The following RNF213 variants were observed in gnomAD, a reference collection of about 807,000 sequenced individuals.
RNF213 encodes E3 ubiquitin-protein ligase RNF213.
In RNF213, 341 loss-of-function variants were observed where a neutral mutation model predicts 514.4. The ratio of observed to expected loss-of-function variants is 0.66; its 90% confidence interval spans 0.61 to 0.73. The LOEUF is 0.73. Among genes scored for constraint, RNF213 ranks in the 30% least tolerant of loss-of-function variants. The probability of loss-of-function intolerance (pLI) is 0.00; values close to 1 mark genes in which losing one functional copy is unlikely to be tolerated. For missense variants in RNF213, 5,767 were observed against 6,615.6 expected, an observed-to-expected ratio of 0.87 and a Z score of 4.45; for synonymous variants, 2,655 against 2,658.2, an observed-to-expected ratio of 1.00 and a Z score of 0.04.
intron 3 of RNF213, among the ~76,000 whole-genome samples, chr17:80,277,745 TATTGA>T (rs2044121372): frequency 6.6e-6 from 1 of 152,164 alleles, no homozygotes; most frequent in African/African-American, 2.4e-5. Context: ...ACAGGGAGCC[TATTGA>T]ATTCTGAAGC....
intron 10 of RNF213, 152 bp from the exon 11 acceptor site, chr17:80,298,169 T>C (rs550928170): frequency 6.0e-5 from 46 of 763,448 alleles, no homozygotes; most frequent in Non-Finnish European, 9.7e-5. Flanking sequence ...AGGGAAGCCC[T>C]GTCTCCTGCG....
intron 15 of RNF213, among the ~76,000 whole-genome samples, chr17:80,313,773 GAGGTGATGGTGGTGGTGA>G (rs1452682054): frequency 1.4e-5 from 2 of 147,560 alleles, no homozygotes; most frequent in Admixed American, 6.7e-5. Flanking sequence ...GGAGGTACTG[GAGGTGATGGTGGTGGTGA>G]AGGTGATGGT....
rs781548360 is a variant in RNF213 at position 80,393,516 on chromosome 17, T to C, written c.*18T>C. On this transcript the variant is annotated 3_prime_UTR_variant, in exon 68 of 68. Transcript: ENST00000582970. ...TGAGATAGAATTATTTCCTCAGCTATCTTTGGATGACTTTGGAGAGAAGAC... is the reference window on the plus strand; with the variant it reads ...TGAGATAGAATTATTTCCTCAGCTACCTTTGGATGACTTTGGAGAGAAGAC... 1.9e-5 allele frequency: 31 copies of C among 1,613,456 alleles called. No individual in the cohort carries two copies. The highest frequency in any genetic ancestry group is 2.5e-5 in the Non-Finnish European group (29 of 1,179,704).
At chr17:80,352,480 G>T in intron 32 of RNF213, 1 of 493,398 alleles carries the variant, frequency 2.0e-6, no homozygotes, top group Non-Finnish European at 3.6e-6. Context: ...ACTATCTTCA[G>T]ATCTCTTTTT....
chr17:80,374,733 C>G, intron 50 of RNF213, 144 bp downstream of exon 50: 3 of 990,732 alleles, frequency 3.0e-6, no homozygotes, highest in Admixed American at 4.1e-5. Flanking sequence ...CACGTGCCCA[C>G]AGCCTCCAGG....
Position 80,313,082 on chromosome 17 carries a change from C to G in RNF213, c.2726C>G (p.Ala909Gly), listed in dbSNP as rs765708061. The G allele has an allele frequency of 2.0e-5, 33 of 1,614,010 alleles. No individual in the cohort carries two copies. The highest frequency in any genetic ancestry group is 2.7e-5 in the Non-Finnish European group (32 of 1,180,042). ...VQTVFQGTLA[A>G]TKRWLREVFT... ...ACAGTCTTCCAAGGGACCCTTGCTG[C>G]TACGAAAAGGTGGCTCCGAGAAGTT... The change falls in exon 15 of 68, where the codon GCT becomes GGT. Residue 909 changes from alanine to glycine, a missense_variant. By Grantham distance (60) the Ala-to-Gly change is moderately conservative. Around this residue, in one of 13 missense-constraint regions of RNF213, gnomAD observed 592 missense variants for 673.9 expected, o/e 0.88. Transcript: ENST00000582970.
chr17:80,319,535 C>CATGT, intron 17 of RNF213: 1 of 1,612,480 alleles, frequency 6.2e-7, no homozygotes, highest in Non-Finnish European at 8.5e-7. Context: ...CACCATCCTG[C>CATGT]ATGTGTTCCA....
Position 80,290,727 on chromosome 17 carries a change from A to C in RNF213, c.1270A>C (p.Arg424=), listed in dbSNP as rs543706430. ...CAATATCTGTGAGCTGCACTACACC[A>C]GGTGAGCGTGTCTGTAGGCTTGGGA... ...DSNICELHYT[R]DLGHDRVLVE... Residue 424 remains arginine (R), a splice_region_variant and synonymous_variant, in exon 7 of 68, where the codon AGA becomes CGA. Coordinates refer to ENST00000582970, the MANE Select transcript of RNF213 (RefSeq NM_001256071.3). The C allele has an allele frequency of 1.9e-6, 3 of 1,614,208 alleles. No homozygotes were observed. Among genetic ancestry groups the C allele is most frequent in the Non-Finnish European group, 1.7e-6 (2 of 1,180,028 alleles).
chr17:80,293,059 A>G (rs887518751), intron 8 of RNF213, among the ~76,000 whole-genome samples: 3 of 152,048 alleles, frequency 2.0e-5, no homozygotes, highest in East Asian at 1.9e-4. Context: ...GTAAACATAT[A>G]TATATATTTT....
intron 36 of RNF213, 25 bp downstream of exon 36, chr17:80,354,601 A>G: frequency 3.1e-6 from 5 of 1,613,848 alleles, no homozygotes; most frequent in Non-Finnish European, 4.2e-6. Flanking sequence ...GGAAGCAAGG[A>G]GTGGCTCCAA....
chr17:80,345,936 T>C lies in RNF213; in HGVS notation c.7601T>C (p.Met2534Thr), dbSNP rs2078295104. 1.9e-6 allele frequency: 3 copies of C among 1,614,116 alleles called. No individual in the cohort carries two copies. In the Admixed American group the frequency reaches 5.0e-5, roughly 27 times the overall value. ...CCATACCGGAAGCACTCTGAGGAGA[T>C]GATCTGCCGTTTGGAGTCAGCTGGT... ...CNPYRKHSEE[M>T]ICRLESAGLG... The change falls in exon 29 of 68, where the codon ATG becomes ACG. Residue 2534 changes from methionine to threonine, a missense_variant. By Grantham distance (81) the Met-to-Thr change is moderately conservative (BLOSUM62 -1). Around this residue, in one of 13 missense-constraint regions of RNF213, gnomAD observed 1,377 missense variants for 1,635.2 expected, o/e 0.84. Coordinates refer to ENST00000582970, the MANE Select transcript of RNF213 (RefSeq NM_001256071.3). The surrounding 1 kb of genome is among the most constrained non-coding windows in gnomAD (Gnocchi z 6.0).
intron 2 of RNF213, among the ~76,000 whole-genome samples, chr17:80,266,423 G>T (rs1481889296): frequency 1.4e-5 from 2 of 146,736 alleles, no homozygotes. Flanking sequence ...TAGAAGAAAA[G>T]AAAAGGAAAA....
In RNF213 at chr17:80,347,297, A is replaced by G; in HGVS notation, c.8962A>G (p.Ser2988Gly). ...TGCACAGGCTGTCCTTAGGAACTTC[A>G]GTGGCAAGGATGACATCCAAGCTTT... ...DIAQAVLRNFSGKDDIQALDI... is the reference protein window; with the variant it reads ...DIAQAVLRNFGGKDDIQALDI... The change falls in exon 29 of 68, where the codon AGT becomes GGT. Residue 2988 changes from serine (S) to glycine (G), a missense_variant. Ser to Gly is a moderately conservative substitution (Grantham distance 56, BLOSUM62 0). Around this residue, in one of 13 missense-constraint regions of RNF213, gnomAD observed 919 missense variants for 1,121.0 expected, o/e 0.82. Transcript: ENST00000582970. This position sits in a 1 kb window ranked among gnomAD's most constrained non-coding sequence, Gnocchi z 7.2. 1.2e-6 allele frequency: 2 copies of G among 1,613,944 alleles called. No individual in the cohort carries two copies. Among genetic ancestry groups the G allele is most frequent in the Non-Finnish European group, 8.5e-7 (1 of 1,179,992 alleles).
At position 80,364,599 on chromosome 17, in the gene RNF213, T is replaced by C. The variant is rs571054812; in HGVS notation, c.11871+46T>C. On this transcript the variant is annotated intron_variant, in intron 42 of 67. Coordinates refer to ENST00000582970, the MANE Select transcript of RNF213 (RefSeq NM_001256071.3). ...CAGCACATGCACGGATCCACCCTTT[T>C]CCGAAAGGAAGAACAGCACTGACAG... 44 of 1,613,276 alleles carry C rather than the reference T, an allele frequency of 2.7e-5. No homozygotes were observed. The African/African-American group carries it at 3.3e-4, about 12-fold the overall frequency.
At chr17:80,390,330 A>AC (rs2080414316) in intron 67 of RNF213, 134 bp downstream of exon 67, 1 of 1,011,472 alleles carries the variant, frequency 9.9e-7, no homozygotes, top group African/African-American at 1.6e-5. Flanking sequence ...TTACCAGGGC[A>AC]CCTGAGGACT....
chr17:80,286,520 C>T (rs973040575), intron 3 of RNF213, among the ~76,000 whole-genome samples: 3 of 151,996 alleles, frequency 2.0e-5, no homozygotes, highest in Non-Finnish European at 2.9e-5. Flanking sequence ...CCTCCTTGGG[C>T]CACACAGGGG....
chr17:80,376,859 GTC>G, intron 52 of RNF213, 21 bp from the exon 53 acceptor site: 4 of 1,607,778 alleles, frequency 2.5e-6, no homozygotes, highest in Non-Finnish European at 3.4e-6. Context: ...ATCTAGAGCT[GTC>G]TCTGTCTTCT....
rs1331750115 is a variant in RNF213 at position 80,306,359 on chromosome 17, A to G, written c.2318A>G (p.Tyr773Cys). The G allele has an allele frequency of 1.5e-5, 24 of 1,614,140 alleles. No individual in the cohort carries two copies. Among genetic ancestry groups the G allele is most frequent in the Non-Finnish European group, 1.9e-5 (22 of 1,180,022 alleles). The change falls in exon 12 of 68, where the codon TAT becomes TGT. Residue 773 changes from tyrosine to cysteine, a missense_variant. By Grantham distance (194) the Tyr-to-Cys change is radical (BLOSUM62 -2). Transcript: ENST00000582970. ...CTACCTCTGAGTCACCTGGTTATGT[A>G]TATGGAAAACTTCATTGAGCACCTG... is the stretch of plus-strand genomic sequence containing the variant. Reference protein sequence around the residue: ...SLLPLSHLVMYMENFIEHLGR... With the variant: ...SLLPLSHLVMCMENFIEHLGR...
intron 10 of RNF213, among the ~76,000 whole-genome samples, chr17:80,296,705 C>T (rs1022257730): frequency 6.6e-6 from 1 of 152,160 alleles, no homozygotes; most frequent in African/African-American, 2.4e-5. Flanking sequence ...TGTTTTGAGA[C>T]AGTGTCTTAC....
Sources: allele counts gnomAD v4.1 joint callset (sites outside exome capture counted in the v4.1 genomes callset), GRCh38; gene constraint gnomAD v4.1.1; regional missense constraint gnomAD v4.1.1; non-coding constraint Gnocchi (gnomAD v3.1); transcripts MANE v1.5; gene names NCBI Gene and HGNC (gene_info 2026-07-23, HGNC 2026-07-21).